Variants in CDH11 observed in about 807,000 individuals in gnomAD.
CDH11 encodes cadherin 11.
In CDH11, 11 loss-of-function variants were observed where a neutral mutation model predicts 67.8. The observed-to-expected ratio is 0.16, with a 90% CI of 0.10 to 0.27. CDH11 has a LOEUF of 0.27. CDH11 is among the 10% of genes least tolerant of loss of function. The pLI is 1.00. For synonymous variants in CDH11, 419 were observed against 400.0 expected (o/e 1.05, Z -0.57); for missense variants, 847 against 1,031.2 (o/e 0.82, Z 2.45).
intron 2 of CDH11, among the ~76,000 whole-genome samples, chr16:65,042,005 C>A (rs896037519): frequency 1.3e-5 from 2 of 152,196 alleles, no homozygotes; most frequent in African/African-American, 2.4e-5. Context: ...GTGGAGGAGC[C>A]CAGGCTCCAG....
Position 65,009,101 on chromosome 16 carries a change from G to A in CDH11, c.-172-4060C>T, listed in dbSNP as rs1196526163. ...CTCTGAATGTTTGGTTTGAGGACTT[G>A]TATTCCTACCCTCTACAATTTTACC... On this transcript the variant is annotated intron_variant, in intron 2 of 12. Transcript: ENST00000268603. Among the ~76,000 whole-genome samples, 5 of 152,122 alleles carry A rather than the reference G, an allele frequency of 3.3e-5. No homozygotes were observed. In the East Asian group the frequency reaches 9.6e-4, roughly 29 times the overall value.
Position 65,121,647 on chromosome 16 carries a change from G to C in CDH11, c.-298+233C>G, listed in dbSNP as rs1198015170. Among the ~76,000 whole-genome samples, 1 of 152,198 alleles carries C rather than the reference G, an allele frequency of 6.6e-6. No individual in the cohort carries two copies. The highest frequency in any genetic ancestry group is 1.5e-5 in the Non-Finnish European group (1 of 68,028). On this transcript the variant is annotated intron_variant, in intron 1 of 12. Transcript: ENST00000268603. This position sits in a 1 kb window ranked among gnomAD's most constrained non-coding sequence, Gnocchi z 4.1. ...GAGAGTCGTGGAGCGCACATCTGAA[G>C]CCTCCGTCCCCTGCTTTGCCCGCGC...
intron 1 of CDH11, among the ~76,000 whole-genome samples, chr16:65,116,665 C>T (rs1461336616): frequency 6.6e-6 from 1 of 152,148 alleles, no homozygotes; most frequent in Non-Finnish European, 1.5e-5. Context: ...AGAATAAGAC[C>T]TTGGCTACTG....
chr16:65,096,487 A>C (rs1017665052), intron 1 of CDH11, among the ~76,000 whole-genome samples: 1 of 149,508 alleles, frequency 6.7e-6, no homozygotes, highest in African/African-American at 2.5e-5. Context: ...CTATTTGTAC[A>C]TATATGTTTA....
chr16:65,052,922 G>A (rs891285476), intron 2 of CDH11, among the ~76,000 whole-genome samples: 2 of 152,122 alleles, frequency 1.3e-5, no homozygotes, highest in African/African-American at 4.8e-5. Flanking sequence ...GGAGGTGAGG[G>A]GTTGAGAGGC....
intron 11 of CDH11, among the ~76,000 whole-genome samples, chr16:64,965,893 T>A (rs184387865): frequency 6.6e-6 from 1 of 151,990 alleles, no homozygotes. Flanking sequence ...TAATTTCTTA[T>A]TATAAGGTAC....
At chr16:65,102,560 G>A (rs923369228) in intron 1 of CDH11, among the ~76,000 whole-genome samples, 2 of 152,206 alleles carry the variant, frequency 1.3e-5, no homozygotes, top group African/African-American at 2.4e-5. Context: ...AGACAAGCAT[G>A]ATGCAAACAG....
chr16:65,041,160 T>A (rs1445351235), intron 2 of CDH11, among the ~76,000 whole-genome samples: 1 of 152,212 alleles, frequency 6.6e-6, no homozygotes, highest in Non-Finnish European at 1.5e-5. Flanking sequence ...ACCTGACATC[T>A]TCCTGGCCTT....
At chr16:65,019,887 A>C (rs1432839636) in intron 2 of CDH11, among the ~76,000 whole-genome samples, 1 of 151,906 alleles carries the variant, frequency 6.6e-6, no homozygotes, top group African/African-American at 2.4e-5. Context: ...TTAACCCTCT[A>C]AACTAGGCCA....
chr16:65,115,721 ACAAAAAAAC>A (rs1328611405), intron 1 of CDH11, among the ~76,000 whole-genome samples: 38 of 93,386 alleles, frequency 4.1e-4, no homozygotes, highest in African/African-American at 1.2e-3. Context: ...AAAAAAAAAA[ACAAAAAAAC>A]AAAACCTCAG....
At position 64,945,987 on chromosome 16, in the gene CDH11, C is replaced by T. The variant is rs16968214; in HGVS notation, c.*1616G>A. On this transcript the variant is annotated 3_prime_UTR_variant, in exon 13 of 13. Transcript: ENST00000268603. ...CGTTTTGACCTTTGGCCCAACTGAA[C>T]AGGTGAAATGCCCTTCACATAAGTT... is the stretch of plus-strand genomic sequence containing the variant. 4,225 of 1,058,876 alleles carry T rather than the reference C, an allele frequency of 4.0e-3. 142 individuals carry two copies. In the African/African-American group the frequency reaches 0.064, roughly 16 times the overall value. 65.6% of individuals were successfully genotyped at this position (1,058,876 alleles called of 1,614,324 possible).
chr16:65,007,923 T>A (rs1436961013), intron 2 of CDH11, among the ~76,000 whole-genome samples: 1 of 152,172 alleles, frequency 6.6e-6, no homozygotes, highest in Non-Finnish European at 1.5e-5. Flanking sequence ...AAACTTGACA[T>A]TGTCTCTGTG....
chr16:65,056,733 T>C (rs375892780), intron 1 of CDH11, among the ~76,000 whole-genome samples: 1 of 152,198 alleles, frequency 6.6e-6, no homozygotes, highest in Non-Finnish European at 1.5e-5. Context: ...AAGTACCTTC[T>C]GTTTTCCTTC....
At chr16:64,993,303 G>A (rs767506785) in intron 4 of CDH11, among the ~76,000 whole-genome samples, 21 of 151,314 alleles carry the variant, frequency 1.4e-4, no homozygotes, top group Non-Finnish European at 2.5e-4. Flanking sequence ...ACATTGGTTG[G>A]TGATTAAAAT....
At chr16:65,064,497 G>A (rs1018715552) in intron 1 of CDH11, among the ~76,000 whole-genome samples, 1 of 152,198 alleles carries the variant, frequency 6.6e-6, no homozygotes, top group African/African-American at 2.4e-5. Flanking sequence ...CACAACAGGG[G>A]CCCCACCAAT....
chr16:64,977,756 G>A (rs1184373950), intron 8 of CDH11, among the ~76,000 whole-genome samples: 2 of 152,132 alleles, frequency 1.3e-5, no homozygotes, highest in African/African-American at 2.4e-5. Context: ...TCTCATCATT[G>A]CTCTGAGCCT....
At position 64,958,232 on chromosome 16, in the gene CDH11, T is replaced by C. The variant is rs538882225; in HGVS notation, c.1643-7214A>G. 8.4e-4 allele frequency among the ~76,000 whole-genome samples: 128 copies of C among 152,338 alleles called. 3 individuals carry two copies. The South Asian group carries it at 0.025, about 30-fold the overall frequency. On this transcript the variant is annotated intron_variant, in intron 11 of 12. Transcript: ENST00000268603. The stretch of plus-strand genomic sequence containing the variant: ...GAATAAATGGCTGAATGCTGTGCTT[T>C]CCAATGAATCTCATATCAGTCTGAC...
At chr16:64,967,745 C>G (rs1233548763) in intron 11 of CDH11, among the ~76,000 whole-genome samples, 1 of 151,628 alleles carries the variant, frequency 6.6e-6, no homozygotes, top group African/African-American at 2.4e-5. Flanking sequence ...ATAGCAGTGA[C>G]TATTTCTGGG....
intron 1 of CDH11, among the ~76,000 whole-genome samples, chr16:65,084,495 A>G (rs953138765): frequency 7.1e-6 from 1 of 140,318 alleles, no homozygotes; most frequent in Non-Finnish European, 1.7e-5. Flanking sequence ...CTATCTAAAG[A>G]TTAAAAAAAA....
Sources: gnomAD v4.1 joint callset for allele counts (sites outside exome capture counted in the v4.1 genomes callset) on GRCh38, gnomAD v4.1.1 for gene constraint, Gnocchi (gnomAD v3.1) non-coding constraint, MANE v1.5 for transcripts, NCBI Gene and HGNC (gene_info 2026-07-23, HGNC 2026-07-21) for gene names.